Variants in LIN9 observed in about 807,000 individuals in gnomAD.
LIN9 encodes the protein lin-9 DREAM MuvB core complex component, also known as protein lin-9 homolog.
Under a neutral mutation model 78.0 loss-of-function variants are expected in LIN9, and 18 were observed. The observed-to-expected ratio is 0.23, with a 90% CI of 0.16 to 0.34. The LOEUF is 0.34. Ranked by LOEUF, LIN9 falls within the 10% of genes least tolerant of loss-of-function variation. LIN9 has a pLI of 1.00. For missense variants in LIN9, 451 were observed against 644.1 expected, an observed-to-expected ratio of 0.70 and a Z score of 3.25; for synonymous variants, 192 against 215.2, an observed-to-expected ratio of 0.89 and a Z score of 0.94.
At chr1:226,236,243 G>A (rs1041457687) in intron 12 of LIN9, among the ~76,000 whole-genome samples, 1 of 151,088 alleles carries the variant, frequency 6.6e-6, no homozygotes, top group Admixed American at 6.6e-5. Context: ...AGGTTAATGA[G>A]TTTTCACAAA....
chr1:226,259,691 T>C (rs1659440398), intron 10 of LIN9, among the ~76,000 whole-genome samples: 2 of 151,704 alleles, frequency 1.3e-5, no homozygotes, highest in African/African-American at 4.8e-5. Flanking sequence ...AAAAAAGCAA[T>C]CTAAAAGAAG....
At chr1:226,290,620 G>C (rs945068994) in intron 4 of LIN9, among the ~76,000 whole-genome samples, 2 of 152,034 alleles carry the variant, frequency 1.3e-5, no homozygotes, top group Admixed American at 6.6e-5. Context: ...GATTACAGGC[G>C]TAAGCCACCG....
At chr1:226,233,938 G>A (rs956552662) in intron 12 of LIN9, among the ~76,000 whole-genome samples, 2 of 152,110 alleles carry the variant, frequency 1.3e-5, no homozygotes, top group Non-Finnish European at 2.9e-5. Flanking sequence ...TGAAGAGTAC[G>A]AGCCAATTAT....
chr1:226,291,879 G>C (rs144497929), intron 4 of LIN9, among the ~76,000 whole-genome samples: 2,315 of 149,558 alleles, frequency 0.015, 41 homozygotes, highest in Non-Finnish European at 0.018. Flanking sequence ...AAATAACTTT[G>C]TTTTTCTTTG....
chr1:226,276,475 T>G (rs1183709002), intron 7 of LIN9, among the ~76,000 whole-genome samples: 2 of 152,220 alleles, frequency 1.3e-5, no homozygotes, highest in Admixed American at 6.5e-5. Context: ...TACACTCATT[T>G]ATTACCAAAT....
At chr1:226,305,335 A>C (rs1036190516) in intron 1 of LIN9, among the ~76,000 whole-genome samples, 4 of 150,360 alleles carry the variant, frequency 2.7e-5, no homozygotes, top group Admixed American at 6.6e-5. Flanking sequence ...AAAAAAAAAA[A>C]AAAAAACCTT....
chr1:226,278,267 A>C (rs1485408926), intron 6 of LIN9, among the ~76,000 whole-genome samples: 1 of 152,110 alleles, frequency 6.6e-6, no homozygotes, highest in Non-Finnish European at 1.5e-5. Context: ...CGTCTCTACT[A>C]AAACTACAAA....
intron 11 of LIN9, among the ~76,000 whole-genome samples, chr1:226,240,232 C>CACTA (rs574993726): frequency 3.0e-4 from 46 of 152,282 alleles, no homozygotes; most frequent in Admixed American, 2.6e-3. Flanking sequence ...ACGTGCCATG[C>CACTA]ACTAAGAGTG....
chr1:226,301,127 A>C, intron 2 of LIN9, 46 bp downstream of exon 2: 1 of 1,453,888 alleles, frequency 6.9e-7, no homozygotes, highest in Non-Finnish European at 9.4e-7. Flanking sequence ...AATTTAACAA[A>C]TTAGACTTTT....
intron 4 of LIN9, among the ~76,000 whole-genome samples, chr1:226,289,839 GGGGGGGT>G (rs1461193178): frequency 5.7e-5 from 3 of 52,718 alleles, no homozygotes; most frequent in South Asian, 1.1e-3. Flanking sequence ...TCCTCCGGGG[GGGGGGGT>G]GGGGGGGGGT....
intron 10 of LIN9, among the ~76,000 whole-genome samples, chr1:226,264,059 G>A (rs1659762616): frequency 6.6e-6 from 1 of 152,030 alleles, no homozygotes; most frequent in South Asian, 2.1e-4. Context: ...CTGGACAACA[G>A]AGCAAGACTT....
chr1:226,279,770 A>G lies in LIN9; in HGVS notation c.525-1838T>C, dbSNP rs981909058. 6.4e-4 allele frequency among the ~76,000 whole-genome samples: 29 copies of G among 45,530 alleles called. 1 individual carries two copies. In the South Asian group the frequency reaches 6.5e-3, roughly 10 times the overall value. 29.9% of individuals were successfully genotyped at this position (45,530 alleles called of 152,430 possible). On this transcript the variant is annotated intron_variant, in intron 6 of 14. Coordinates refer to ENST00000681046, the MANE Select transcript of LIN9 (RefSeq NM_001366245.2). ...GGGCAACAGAGCAAGACCCAGTCTGAAAAAAAAAAAAAAAAAAGGAAGGAA... is the reference window on the plus strand; with the variant it reads ...GGGCAACAGAGCAAGACCCAGTCTGGAAAAAAAAAAAAAAAAAGGAAGGAA...
chr1:226,301,097 G>T, intron 2 of LIN9, 76 bp downstream of exon 2: 1 of 1,047,398 alleles, frequency 9.5e-7, no homozygotes, highest in Non-Finnish European at 1.4e-6. Flanking sequence ...GAAGGAAAAT[G>T]GAAACACTAT....
At chr1:226,277,503 T>C (rs1359130892) in intron 7 of LIN9, among the ~76,000 whole-genome samples, 3 of 152,182 alleles carry the variant, frequency 2.0e-5, no homozygotes, top group Non-Finnish European at 4.4e-5. Context: ...TTTTGTCCCA[T>C]GTGTACGTGT....
rs34415897 is a variant in LIN9, at chr1:226,245,428, T to TC, written c.1119+5410dup. On this transcript the variant is annotated intron_variant, in intron 11 of 14. Coordinates refer to ENST00000681046, the MANE Select transcript of LIN9 (RefSeq NM_001366245.2). ...CTGCCAGTCACATACTTGTCTTTTT[T>TC]CCCCCCCCCCAAGAAACAGGGTCTC... 1.3e-3 allele frequency among the ~76,000 whole-genome samples: 198 copies of TC among 150,924 alleles called. 2 individuals are homozygous for TC. Among genetic ancestry groups the TC allele is most frequent in the Middle Eastern group, 3.4e-3 (1 of 294 alleles).
chr1:226,286,569 A>C, intron 5 of LIN9, 111 bp from the exon 6 acceptor site: 1 of 743,954 alleles, frequency 1.3e-6, no homozygotes, highest in Non-Finnish European at 2.1e-6. Context: ...ATATATATAA[A>C]CTGGCACAAA....
At chr1:226,309,488 G>T, upstream of LIN9, 1 of 1,111,262 alleles carries the variant, frequency 9.0e-7, no homozygotes, top group Non-Finnish European at 1.1e-6. Context: ...CATGTTCCGC[G>T]GCCCGCGCTG....
At chr1:226,253,638 G>A (rs907307697) in intron 10 of LIN9, among the ~76,000 whole-genome samples, 3 of 151,784 alleles carry the variant, frequency 2.0e-5, no homozygotes, top group Non-Finnish European at 2.9e-5. Context: ...AAAAAGGGCC[G>A]GGTACGGTGG....
At position 226,239,013 on chromosome 1, in the gene LIN9, G is replaced by A. The variant is rs1372337911; in HGVS notation, c.1203C>T (p.Asp401=). The change falls in exon 12 of 15, where the codon GAC becomes GAT. Residue 401 remains aspartate (D), a synonymous_variant. Transcript: ENST00000681046. ...IVLELEQLNK[D]LNKVLHKVQQ... ...GAACTTTATGCAAAACTTTGTTTAG[G>A]TCCTTGTTCAGCTGTTCAAGCTCCA... is the stretch of plus-strand genomic sequence containing the variant. The A allele has an allele frequency of 3.1e-6, 5 of 1,613,636 alleles. No individual in the cohort carries two copies. The highest frequency in any genetic ancestry group is 3.4e-6 in the Non-Finnish European group (4 of 1,179,788).
Sources: allele counts gnomAD v4.1 joint callset (sites outside exome capture counted in the v4.1 genomes callset), GRCh38; gene constraint gnomAD v4.1.1; transcripts MANE v1.5; gene names NCBI Gene and HGNC (gene_info 2026-07-23, HGNC 2026-07-21).